Variants in SP100 observed in about 807,000 individuals in gnomAD.
The protein encoded by SP100 is nuclear autoantigen Sp-100.
SP100 carries 84 observed loss-of-function variants against 130.0 expected under a neutral mutation model. The observed-to-expected ratio is 0.65, with a 90% CI of 0.54 to 0.77. SP100 has a LOEUF of 0.77. Among genes scored for constraint, SP100 ranks in the 30% least tolerant of loss-of-function variants. The pLI, the probability that SP100 is intolerant of heterozygous loss-of-function variation, is 0.00. For missense variants in SP100, 978 were observed against 1,052.2 expected (o/e 0.93, Z 0.97); for synonymous variants, 331 against 351.7 (o/e 0.94, Z 0.66).
chr2:230,540,827 G>A (rs374296505), intron 25 of SP100, 49 bp from the exon 26 acceptor site: 105 of 1,574,426 alleles, frequency 6.7e-5, no homozygotes, highest in African/African-American at 9.5e-5. Context: ...TAGGAATGGC[G>A]GCTGATTCAC....
At chr2:230,513,713 C>A (rs544445733) in intron 24 of SP100, among the ~76,000 whole-genome samples, 116 of 152,330 alleles carry the variant, frequency 7.6e-4, no homozygotes, top group African/African-American at 2.7e-3. Context: ...ACACAGCTAC[C>A]TGCTATTCTC....
chr2:230,541,544 G>A (rs1678149), intron 27 of SP100, among the ~76,000 whole-genome samples, 172 bp downstream of exon 27: 152,322 of 152,328 alleles, frequency 1, 76,158 homozygotes, highest in Middle Eastern at 1. Flanking sequence ...TTTTTCTCAC[G>A]GTCCCGGAGG....
At chr2:230,516,254 C>T (rs142102415) in intron 24 of SP100, 53 of 177,808 alleles carry the variant, frequency 3.0e-4, no homozygotes, top group African/African-American at 1.2e-3. Flanking sequence ...CCAATCTGTC[C>T]TGTTACAAAA....
intron 23 of SP100, chr2:230,510,739 C>G: frequency 3.9e-6 from 1 of 253,476 alleles, no homozygotes; most frequent in South Asian, 4.5e-5. Flanking sequence ...TTGTGATCTG[C>G]CCTCCTCGGC....
intron 15 of SP100, among the ~76,000 whole-genome samples, chr2:230,471,371 C>T (rs768946209): frequency 6.6e-6 from 1 of 152,166 alleles, no homozygotes; most frequent in Non-Finnish European, 1.5e-5. Context: ...AATAGTTCAG[C>T]ATGACCACAT....
rs2063904424 is a variant in SP100 at position 230,450,152 on chromosome 2, G to C, written c.737-20G>C. ...AGCAAGGCTCTACTGGATCTCAGCT[G>C]TGATCTCGTTTATCTCCAGAGTCCT... On this transcript the variant is annotated intron_variant, in intron 7 of 28. Transcript: ENST00000340126. The C allele has an allele frequency of 2.1e-5, 33 of 1,583,986 alleles. No homozygotes were observed. The highest frequency in any genetic ancestry group is 1.7e-4 in the Middle Eastern group (1 of 6,032).
intron 17 of SP100, among the ~76,000 whole-genome samples, chr2:230,484,622 G>T (rs2065980798): frequency 6.6e-6 from 1 of 152,080 alleles, no homozygotes; most frequent in African/African-American, 2.4e-5. Context: ...TTTACACTTA[G>T]TCTGAGCTTT....
At chr2:230,442,619 C>G (rs1456713162) in intron 2 of SP100, among the ~76,000 whole-genome samples, 1 of 151,912 alleles carries the variant, frequency 6.6e-6, no homozygotes, top group Non-Finnish European at 1.5e-5. Flanking sequence ...CCTGTTTATT[C>G]CACCTAGATT....
chr2:230,441,831 T>C (rs1191978747), intron 2 of SP100, among the ~76,000 whole-genome samples: 1 of 152,140 alleles, frequency 6.6e-6, no homozygotes, highest in Non-Finnish European at 1.5e-5. Context: ...CAAATCTCCA[T>C]TGTTTCTTAC....
intron 2 of SP100, 23 bp downstream of exon 2, chr2:230,417,688 T>A (rs2062648304): frequency 6.2e-7 from 1 of 1,601,292 alleles, no homozygotes; most frequent in Admixed American, 1.8e-5. Context: ...GAGTTATGTC[T>A]TGTTTTAATT....
chr2:230,520,401 A>C (rs1419067332), intron 24 of SP100, among the ~76,000 whole-genome samples: 1 of 152,228 alleles, frequency 6.6e-6, no homozygotes, highest in East Asian at 1.9e-4. Flanking sequence ...AATAATTCAC[A>C]GAGCTCCTAT....
chr2:230,443,633 CT>C (rs1003372307), intron 3 of SP100, among the ~76,000 whole-genome samples: 12 of 151,980 alleles, frequency 7.9e-5, no homozygotes, highest in Non-Finnish European at 1.5e-4. Context: ...TTTTTCTTTC[CT>C]TTTTTTTGTG....
intron 8 of SP100, among the ~76,000 whole-genome samples, chr2:230,453,738 G>A (rs935191573): frequency 2.0e-5 from 3 of 152,182 alleles, no homozygotes; most frequent in Non-Finnish European, 4.4e-5. Flanking sequence ...CGTTTATCAA[G>A]GATAGTGGCC....
intron 2 of SP100, among the ~76,000 whole-genome samples, chr2:230,438,443 G>A (rs1483496404): frequency 1.3e-5 from 2 of 151,828 alleles, no homozygotes; most frequent in Admixed American, 1.3e-4. Flanking sequence ...CCTTTCCCCT[G>A]AGTCCCCAAG....
intron 8 of SP100, among the ~76,000 whole-genome samples, chr2:230,458,789 G>A (rs974345865): frequency 4.0e-5 from 6 of 151,732 alleles, no homozygotes; most frequent in Non-Finnish European, 8.8e-5. Flanking sequence ...GATATAGAAA[G>A]ACAAAAAGTG....
chr2:230,528,728 A>G (rs886892284), intron 24 of SP100, among the ~76,000 whole-genome samples: 5 of 152,218 alleles, frequency 3.3e-5, no homozygotes, highest in Non-Finnish European at 7.3e-5. Flanking sequence ...AGATGCAATA[A>G]AAAATGATAC....
At chr2:230,438,572 A>G (rs1425655254) in intron 2 of SP100, among the ~76,000 whole-genome samples, 1 of 149,094 alleles carries the variant, frequency 6.7e-6, no homozygotes, top group Non-Finnish European at 1.5e-5. Context: ...ATGGTCTCCA[A>G]CTCCATCCAG....
chr2:230,526,774 G>A (rs1274839991), intron 24 of SP100, among the ~76,000 whole-genome samples: 4 of 152,098 alleles, frequency 2.6e-5, no homozygotes, highest in Non-Finnish European at 5.9e-5. Flanking sequence ...ACTTCATGAC[G>A]CACGCACAAG....
intron 2 of SP100, among the ~76,000 whole-genome samples, chr2:230,425,224 A>G (rs1055688399): frequency 1.3e-5 from 2 of 152,210 alleles, no homozygotes; most frequent in African/African-American, 4.8e-5. Context: ...TATAGTTTCC[A>G]TACTACACAT....
Sources: allele counts gnomAD v4.1 joint callset (sites outside exome capture counted in the v4.1 genomes callset), GRCh38; gene constraint gnomAD v4.1.1; transcripts MANE v1.5; gene names NCBI Gene and HGNC (gene_info 2026-07-23, HGNC 2026-07-21).